NXPE1: variants seen among roughly 807,000 people sequenced by gnomAD.
NXPE1 encodes the protein neurexophilin and PC-esterase domain family member 1.
NXPE1 carries 31 observed loss-of-function variants against 33.3 expected under a neutral mutation model. That is an observed-to-expected ratio of 0.93 (90% CI 0.70 to 1.26). NXPE1 has a LOEUF of 1.26. NXPE1 is among the 50% of genes most tolerant of loss of function. The probability of loss-of-function intolerance (pLI) is 0.00; values close to 1 mark genes in which losing one functional copy is unlikely to be tolerated. For synonymous variants in NXPE1, 229 were observed against 231.4 expected (o/e 0.99, Z 0.09); for missense variants, 661 against 655.6 (o/e 1.01, Z -0.09).
intron 1 of NXPE1, among the ~76,000 whole-genome samples, chr11:114,555,664 C>T (rs1189423947): frequency 1.3e-5 from 2 of 152,342 alleles, no homozygotes; most frequent in Admixed American, 6.5e-5. Flanking sequence ...TCCTCCTGTG[C>T]ATGCCCCGCT....
exon 6 of NXPE1, chr11:114,530,831 T>C (rs753203852): frequency 6.2e-7 from 1 of 1,614,134 alleles, no homozygotes; most frequent in East Asian, 2.2e-5. Context: ...ATGGTATCAG[T>C]GATGTTTTAG....
intron 5 of NXPE1, among the ~76,000 whole-genome samples, chr11:114,540,718 T>A (rs1948061389): frequency 6.6e-6 from 1 of 152,018 alleles, no homozygotes; most frequent in Non-Finnish European, 1.5e-5. Context: ...AGGCAAGTTT[T>A]GGTGGGAAGA....
intron 1 of NXPE1, among the ~76,000 whole-genome samples, chr11:114,555,915 T>C (rs565689004): frequency 3.9e-5 from 6 of 152,334 alleles, no homozygotes; most frequent in African/African-American, 1.4e-4. Flanking sequence ...ATTTGATAAA[T>C]ATTTGGGTTG....
intron 7 of NXPE1, among the ~76,000 whole-genome samples, chr11:114,524,391 C>T (rs370940320): frequency 6.6e-6 from 1 of 152,184 alleles, no homozygotes; most frequent in African/African-American, 2.4e-5. Context: ...CTGCCTATGT[C>T]CACAGAATAG....
chr11:114,535,544 C>T (rs76452632), intron 5 of NXPE1, among the ~76,000 whole-genome samples: 132 of 152,200 alleles, frequency 8.7e-4, no homozygotes, highest in African/African-American at 3.0e-3. Context: ...ACCCATCTCA[C>T]ATGCAGAGAC....
intron 1 of NXPE1, among the ~76,000 whole-genome samples, chr11:114,557,046 C>T (rs573415703): frequency 2.0e-5 from 3 of 152,068 alleles, no homozygotes; most frequent in African/African-American, 7.2e-5. Context: ...GCGTGAGCCA[C>T]CACACCTGGC....
At chr11:114,556,722 G>A (rs1156949236) in intron 1 of NXPE1, among the ~76,000 whole-genome samples, 1 of 151,662 alleles carries the variant, frequency 6.6e-6, no homozygotes, top group Non-Finnish European at 1.5e-5. Context: ...GTTTAATACT[G>A]TTCTATGAGA....
intron 1 of NXPE1, chr11:114,553,960 A>G: frequency 1.0e-6 from 1 of 985,382 alleles, no homozygotes; most frequent in Non-Finnish European, 1.2e-6. Flanking sequence ...TTGTCAGTAT[A>G]CCCCTGCTCA....
intron 5 of NXPE1, among the ~76,000 whole-genome samples, chr11:114,533,628 A>G (rs1947673153): frequency 6.6e-6 from 1 of 152,258 alleles, no homozygotes; most frequent in Non-Finnish European, 1.5e-5. Flanking sequence ...ACAGCACACC[A>G]GGAGATTATA....
Position 114,546,395 on chromosome 11 carries a change from A to G in NXPE1, c.99+4708T>C, listed in dbSNP as rs547723041. On this transcript the variant is annotated intron_variant, in intron 5 of 8. Transcript: ENST00000534921. ...CATGTTTAGCTTAATATAGATTGAAATGGATATTTTACATATAATTATAGA... is the reference window on the plus strand; with the variant it reads ...CATGTTTAGCTTAATATAGATTGAAGTGGATATTTTACATATAATTATAGA... Among the ~76,000 whole-genome samples the G allele has an allele frequency of 1.7e-4, 26 of 152,276 alleles. 1 individual carries two copies. In the South Asian group the frequency reaches 2.9e-3, roughly 17 times the overall value.
chr11:114,552,593 A>G (rs1948530872), intron 2 of NXPE1, among the ~76,000 whole-genome samples: 1 of 151,586 alleles, frequency 6.6e-6, no homozygotes, highest in Non-Finnish European at 1.5e-5. Flanking sequence ...AAGAAGAAGA[A>G]ATCAATCAAG....
At chr11:114,523,782 A>G (rs189793162) in intron 7 of NXPE1, among the ~76,000 whole-genome samples, 2 of 152,262 alleles carry the variant, frequency 1.3e-5, no homozygotes, top group Admixed American at 1.3e-4. Context: ...TTCTCCTGTC[A>G]TGTTTCCTTA....
chr11:114,526,935 T>G (rs899374795), intron 7 of NXPE1, among the ~76,000 whole-genome samples: 1 of 152,218 alleles, frequency 6.6e-6, no homozygotes, highest in African/African-American at 2.4e-5. Context: ...GTTTCTCTTC[T>G]TCATTCTCTG....
chr11:114,530,054 CAT>C, intron 6 of NXPE1, 119 bp downstream of exon 6: 1 of 1,033,810 alleles, frequency 9.7e-7, no homozygotes, highest in Non-Finnish European at 1.4e-6. Flanking sequence ...GAAGACACCA[CAT>C]GTCTTACCTT....
At chr11:114,525,024 G>C (rs972385987) in intron 7 of NXPE1, among the ~76,000 whole-genome samples, 2 of 151,876 alleles carry the variant, frequency 1.3e-5, no homozygotes, top group Non-Finnish European at 2.9e-5. Flanking sequence ...AAACAGCCTT[G>C]GTGGTATTGT....
chr11:114,543,664 A>G (rs1425195175), intron 5 of NXPE1, among the ~76,000 whole-genome samples: 2 of 152,192 alleles, frequency 1.3e-5, no homozygotes, highest in Admixed American at 6.5e-5. Flanking sequence ...CACTTCCCCA[A>G]TATTGGAACC....
intron 1 of NXPE1, among the ~76,000 whole-genome samples, chr11:114,557,384 A>G (rs960074345): frequency 6.6e-6 from 1 of 152,016 alleles, no homozygotes; most frequent in Non-Finnish European, 1.5e-5. Context: ...GGGACCTTAG[A>G]AAACTGTACT....
chr11:114,529,083 T>G (rs1947474973), intron 6 of NXPE1: 1 of 354,480 alleles, frequency 2.8e-6, no homozygotes, highest in Non-Finnish European at 5.0e-6. Flanking sequence ...TAGCATATTT[T>G]TTTTGAAAGC....
intron 5 of NXPE1, among the ~76,000 whole-genome samples, chr11:114,535,870 C>T (rs1284103679): frequency 6.6e-6 from 1 of 152,114 alleles, no homozygotes; most frequent in Non-Finnish European, 1.5e-5. Flanking sequence ...TTAGACAGAT[C>T]AACGAGACAG....
Sources: allele counts gnomAD v4.1 joint callset (sites outside exome capture counted in the v4.1 genomes callset), GRCh38; gene constraint gnomAD v4.1.1; transcripts MANE v1.5; gene names NCBI Gene and HGNC (gene_info 2026-07-23, HGNC 2026-07-21).